The following ZBBX variants were observed in gnomAD, a reference collection of about 807,000 sequenced individuals.
ZBBX encodes zinc finger B-box domain containing, also known as zinc finger B-box domain-containing protein 1.
Under a neutral mutation model 108.5 loss-of-function variants are expected in ZBBX, and 101 were observed. The observed-to-expected ratio is 0.93, with a 90% CI of 0.79 to 1.10. ZBBX has a LOEUF of 1.10. Ranked by LOEUF, ZBBX falls within the 50% of genes least tolerant of loss-of-function variation. ZBBX has a pLI of 0.00. For missense variants in ZBBX, 1,009 were observed against 941.4 expected (o/e 1.07, Z -0.94); for synonymous variants, 356 against 323.4 (o/e 1.10, Z -1.08).
At chr3:167,325,696 C>T (rs879482900) in intron 11 of ZBBX, among the ~76,000 whole-genome samples, 4 of 152,056 alleles carry the variant, frequency 2.6e-5, no homozygotes, top group African/African-American at 4.8e-5. Context: ...CACCACATAG[C>T]GTGTACTCAA....
the ZBBX span, among the ~76,000 whole-genome samples, chr3:167,187,410 C>T: frequency 6.6e-6 from 1 of 152,184 alleles, no homozygotes; most frequent in East Asian, 1.9e-4. Flanking sequence ...GTGCTCAGAG[C>T]CAATTCTGCT....
chr3:167,395,549 T>C (rs772210867), intron 1 of ZBBX, among the ~76,000 whole-genome samples: 13 of 150,992 alleles, frequency 8.6e-5, no homozygotes, highest in African/African-American at 3.1e-4. Context: ...TTATAAAATA[T>C]CAGCAATAGT....
chr3:167,260,688 T>G (rs1363174279), intron 20 of ZBBX, among the ~76,000 whole-genome samples: 13 of 152,208 alleles, frequency 8.5e-5, no homozygotes, highest in Admixed American at 8.5e-4. Flanking sequence ...TTTATTGTTT[T>G]GTCTTTAAGC....
intron 11 of ZBBX, among the ~76,000 whole-genome samples, chr3:167,323,241 G>T (rs867953936): frequency 1.3e-4 from 18 of 139,332 alleles, no homozygotes; most frequent in South Asian, 2.3e-4. Flanking sequence ...CTAAAAGAGG[G>T]GGGGGGGGGA....
chr3:167,334,078 C>T (rs1739134454), intron 9 of ZBBX, 93 bp from the exon 10 acceptor site: 1 of 817,780 alleles, frequency 1.2e-6, no homozygotes, highest in Non-Finnish European at 1.8e-6. Context: ...TTCTATGACT[C>T]CCAGAATTAA....
chr3:167,380,053 G>C (rs927999866), intron 1 of ZBBX, among the ~76,000 whole-genome samples, 194 bp downstream of exon 1: 17 of 152,152 alleles, frequency 1.1e-4, no homozygotes, highest in Non-Finnish European at 2.4e-4. Context: ...TGCAGGCCTG[G>C]CACTATGTCA....
intron 20 of ZBBX, among the ~76,000 whole-genome samples, chr3:167,260,674 G>GT (rs1724347630): frequency 6.6e-6 from 1 of 152,102 alleles, no homozygotes; most frequent in Non-Finnish European, 1.5e-5. Flanking sequence ...AGTTTTCTGA[G>GT]TTTTTTATTG....
the ZBBX span, among the ~76,000 whole-genome samples, chr3:167,186,933 C>A: frequency 6.6e-6 from 1 of 152,086 alleles, no homozygotes; most frequent in African/African-American, 2.4e-5. Flanking sequence ...ACCTATTCAT[C>A]TTTAAAATGT....
rs773649830 is a variant in ZBBX, at chr3:167,372,825, T to C, written c.68+9A>G. 2 of 1,361,062 alleles carry C rather than the reference T, an allele frequency of 1.5e-6. No individual in the cohort carries two copies. The highest frequency in any genetic ancestry group is 2.5e-5 in the South Asian group (2 of 80,670). The allele number at this position is 1,361,062 out of a possible 1,614,324, so 84.3% of individuals were successfully genotyped here. A position where few individuals can be genotyped will look rare whatever the true frequency, so the allele number is the denominator to read the frequency against. On this transcript the variant is annotated intron_variant, in intron 4 of 21. Coordinates refer to ENST00000675490, the MANE Select transcript of ZBBX (RefSeq NM_001199201.2). ...ATTCCTATTAAGAAATAAATATATA[T>C]GAACTCACCTATATTTTAGCTTTAC...
chr3:167,219,658 T>C, the ZBBX span, among the ~76,000 whole-genome samples: 122,348 of 151,830 alleles, frequency 0.81, 49,605 homozygotes, highest in East Asian at 0.91. Flanking sequence ...GCTATAAGTG[T>C]CTACATCATA....
intron 12 of ZBBX, among the ~76,000 whole-genome samples, chr3:167,317,982 T>C (rs1443257327): frequency 6.6e-6 from 1 of 152,020 alleles, no homozygotes; most frequent in Non-Finnish European, 1.5e-5. Flanking sequence ...GTTGATGAGT[T>C]CTACGGGAAC....
the ZBBX span, among the ~76,000 whole-genome samples, chr3:167,184,415 G>A: frequency 6.6e-6 from 1 of 152,072 alleles, no homozygotes; most frequent in Non-Finnish European, 1.5e-5. Context: ...TCCTTCAAGT[G>A]ATCGCCCAAG....
intron 9 of ZBBX, among the ~76,000 whole-genome samples, chr3:167,348,767 T>A (rs910536815): frequency 6.6e-6 from 1 of 152,062 alleles, no homozygotes; most frequent in African/African-American, 2.4e-5. Flanking sequence ...AAGTGTATAT[T>A]CGGTAGATAT....
chr3:167,248,226 G>A (rs1721932974), intron 20 of ZBBX, among the ~76,000 whole-genome samples: 1 of 152,066 alleles, frequency 6.6e-6, no homozygotes, highest in Non-Finnish European at 1.5e-5. Flanking sequence ...GCCACGAGTG[G>A]GTATGGAACA....
chr3:167,323,820 C>T (rs1307531845), intron 11 of ZBBX, among the ~76,000 whole-genome samples: 2 of 151,922 alleles, frequency 1.3e-5, no homozygotes, highest in East Asian at 3.9e-4. Flanking sequence ...ACCAGCCATG[C>T]CTGCAGGAGA....
chr3:167,254,596 A>C (rs1185035161), intron 20 of ZBBX, among the ~76,000 whole-genome samples: 1 of 152,140 alleles, frequency 6.6e-6, no homozygotes, highest in Non-Finnish European at 1.5e-5. Context: ...CAATTGAAGA[A>C]ATATAAGTAA....
At chr3:167,201,696 G>A in the ZBBX span, among the ~76,000 whole-genome samples, 8 of 152,074 alleles carry the variant, frequency 5.3e-5, no homozygotes, top group South Asian at 2.1e-4. Flanking sequence ...AACAGGGTGC[G>A]TCAAACTCCA....
chr3:167,288,458 G>C (rs1730100562), intron 19 of ZBBX, among the ~76,000 whole-genome samples: 1 of 152,090 alleles, frequency 6.6e-6, no homozygotes. Flanking sequence ...CTTAACCTAA[G>C]TCAATCATTT....
chr3:167,395,628 G>A (rs1228641807), intron 1 of ZBBX, among the ~76,000 whole-genome samples: 1 of 151,952 alleles, frequency 6.6e-6, no homozygotes, highest in Non-Finnish European at 1.5e-5. Context: ...TTTGCAAACT[G>A]TGAAGTTTGG....
Sources: gnomAD v4.1 joint callset for allele counts (sites outside exome capture counted in the v4.1 genomes callset) on GRCh38, gnomAD v4.1.1 for gene constraint, MANE v1.5 for transcripts, NCBI Gene and HGNC (gene_info 2026-07-23, HGNC 2026-07-21) for gene names.